Variants in MRC1 observed in about 807,000 individuals in gnomAD.
MRC1 encodes the protein macrophage mannose receptor 1.
MRC1 carries 62 observed loss-of-function variants against 102.9 expected under a neutral mutation model. The ratio of observed to expected loss-of-function variants is 0.60; its 90% CI spans 0.49 to 0.74. The LOEUF (loss-of-function observed/expected upper bound fraction) is 0.74. Ranked by LOEUF, MRC1 falls within the 30% of genes least tolerant of loss-of-function variation. The probability of loss-of-function intolerance (pLI) is 0.00; values close to 1 mark genes in which losing one functional copy is unlikely to be tolerated. For synonymous variants in MRC1, 457 were observed against 298.4 expected (o/e 1.53, Z -5.48); for missense variants, 1,237 against 862.8 (o/e 1.43, Z -5.43).
At chr10:17,841,951 A>AT (rs1306951868) in intron 5 of MRC1, among the ~76,000 whole-genome samples, 8 of 151,928 alleles carry the variant, frequency 5.3e-5, no homozygotes, top group Non-Finnish European at 8.8e-5. Flanking sequence ...TAAACTCTCC[A>AT]TTTTTGTTTG....
intron 1 of MRC1, among the ~76,000 whole-genome samples, chr10:17,813,682 T>TTTTATA (rs1838260934): frequency 8.1e-6 from 1 of 124,054 alleles, no homozygotes; most frequent in Non-Finnish European, 1.7e-5. Flanking sequence ...CACACACACA[T>TTTTATA]TATATATATA....
At chr10:17,868,993 C>T (rs1833317710) in intron 12 of MRC1, among the ~76,000 whole-genome samples, 1 of 152,170 alleles carries the variant, frequency 6.6e-6, no homozygotes, top group Non-Finnish European at 1.5e-5. Flanking sequence ...TAGCCTTCGC[C>T]TGAGGATGTT....
intron 5 of MRC1, among the ~76,000 whole-genome samples, chr10:17,842,571 G>A (rs950559118): frequency 5.3e-5 from 8 of 152,086 alleles, no homozygotes; most frequent in East Asian, 1.9e-4. Context: ...TTTTTTGTGC[G>A]TGAAAATTTA....
At chr10:17,838,575 T>TTA (rs1838704385) in intron 4 of MRC1, among the ~76,000 whole-genome samples, 2 of 149,814 alleles carry the variant, frequency 1.3e-5, no homozygotes, top group South Asian at 4.2e-4. Flanking sequence ...AAAAAGAAAG[T>TTA]AAAAAAAACA....
chr10:17,831,388 A>G (rs1270754766), intron 3 of MRC1, among the ~76,000 whole-genome samples: 1 of 151,464 alleles, frequency 6.6e-6, no homozygotes, highest in Non-Finnish European at 1.5e-5. Context: ...TTATATAAGC[A>G]TATAATGATT....
chr10:17,887,502 T>TA (rs1161196859), intron 22 of MRC1, among the ~76,000 whole-genome samples: 2 of 152,222 alleles, frequency 1.3e-5, no homozygotes, highest in Non-Finnish European at 2.9e-5. Flanking sequence ...CTGAAAGACT[T>TA]ACTGAAGAAG....
chr10:17,900,741 C>G, intron 24 of MRC1, 47 bp from the exon 25 acceptor site: 1 of 780,470 alleles, frequency 1.3e-6, no homozygotes, highest in Non-Finnish European at 2.4e-6. Context: ...TTAGTATTTT[C>G]TAAATGAAGC....
At chr10:17,836,285 T>G (rs2130617537) in intron 4 of MRC1, among the ~76,000 whole-genome samples, 1 of 152,302 alleles carries the variant, frequency 6.6e-6, no homozygotes, top group East Asian at 1.9e-4. Flanking sequence ...TCACTGTGGA[T>G]TCATAGTCTT....
chr10:17,833,406 A>G lies in MRC1; in HGVS notation c.638-269A>G, dbSNP rs1838609705. On this transcript the variant is annotated intron_variant, in intron 3 of 29. Coordinates refer to ENST00000569591, the MANE Select transcript of MRC1 (RefSeq NM_002438.4). Reference sequence around the variant, plus strand: ...CATGGTGGTGCATGCCTGGAGTCCCAGCTACTCGGTAAACTGAGGTGGGAA... The same window carrying G: ...CATGGTGGTGCATGCCTGGAGTCCCGGCTACTCGGTAAACTGAGGTGGGAA... Among the ~76,000 whole-genome samples, 3 of 151,770 alleles carry G rather than the reference A, an allele frequency of 2.0e-5. No individual in the cohort carries two copies. The South Asian group carries it at 6.2e-4, about 32-fold the overall frequency.
intron 1 of MRC1, among the ~76,000 whole-genome samples, chr10:17,809,917 G>A (rs1403782583): frequency 2.0e-5 from 3 of 152,152 alleles, no homozygotes; most frequent in African/African-American, 7.2e-5. Context: ...CACCTTCTGA[G>A]TGTCTCTGGC....
chr10:17,841,079 C>G (rs1554839863), intron 5 of MRC1, among the ~76,000 whole-genome samples: 1 of 152,170 alleles, frequency 6.6e-6, no homozygotes, highest in African/African-American at 2.4e-5. Context: ...CAGAGTATCC[C>G]TGATGTGTTG....
Position 17,910,492 on chromosome 10 carries a change from G to T in MRC1, c.*27G>T. 1 of 780,154 alleles carries T rather than the reference G, an allele frequency of 1.3e-6. No individual in the cohort carries two copies. Among genetic ancestry groups the T allele is most frequent in the South Asian group, 1.3e-5 (1 of 74,326 alleles). The allele number at this position is 780,154 out of a possible 1,614,324, so 48.3% of individuals were successfully genotyped here. On this transcript the variant is annotated 3_prime_UTR_variant, in exon 30 of 30. Transcript: ENST00000569591. ...ACCTCAATGCGATTCTGAGATATTTGAATTTCATAAAATTGTAACTGAAAT... is the reference window on the plus strand; with the variant it reads ...ACCTCAATGCGATTCTGAGATATTTTAATTTCATAAAATTGTAACTGAAAT...
rs1213481590 is a variant in MRC1 at position 17,894,317 on chromosome 10, G to A, written c.3250+5G>A. 2 of 853,970 alleles carry A rather than the reference G, an allele frequency of 2.3e-6. No homozygotes were observed. The highest frequency in any genetic ancestry group is 1.7e-5 in the African/African-American group (1 of 60,022). 52.9% of individuals were successfully genotyped at this position (853,970 alleles called of 1,614,324 possible). A position where few individuals can be genotyped will look rare whatever the true frequency, so the allele number is the denominator to read the frequency against. ...ACATATGCCAGACACGATCCGGTAA[G>A]TTCTACCAAACCTTACCTTCCTGAA... On this transcript the variant is annotated splice_donor_5th_base_variant and intron_variant, in intron 23 of 29. Transcript: ENST00000569591.
At chr10:17,873,085 C>T (rs1181196782) in intron 15 of MRC1, among the ~76,000 whole-genome samples, 3 of 152,148 alleles carry the variant, frequency 2.0e-5, no homozygotes, top group African/African-American at 7.2e-5. Context: ...TATCGTAGCT[C>T]TACTCTTGTA....
At chr10:17,841,599 A>G (rs1356538599) in intron 5 of MRC1, among the ~76,000 whole-genome samples, 2 of 152,342 alleles carry the variant, frequency 1.3e-5, no homozygotes, top group South Asian at 2.1e-4. Flanking sequence ...ATAAGTTTAC[A>G]TATTGAGCAA....
At chr10:17,873,849 T>A in intron 16 of MRC1, 24 bp downstream of exon 16, 1 of 872,256 alleles carries the variant, frequency 1.1e-6, no homozygotes, top group Non-Finnish European at 2.0e-6. Context: ...TATTTTCTGA[T>A]CTCTGTACTG....
chr10:17,855,716 G>A (rs1279862935), intron 8 of MRC1, among the ~76,000 whole-genome samples: 3 of 152,002 alleles, frequency 2.0e-5, no homozygotes, highest in South Asian at 2.1e-4. Flanking sequence ...ATCATATTGC[G>A]GCTCCAATCA....
Position 17,866,572 on chromosome 10 carries a change from A to T in MRC1, c.1794A>T (p.Pro598=). The change falls in exon 12 of 30, where the codon CCA becomes CCT. Residue 598 remains proline (P), a synonymous_variant. Coordinates refer to ENST00000569591, the MANE Select transcript of MRC1 (RefSeq NM_002438.4). ...HWNSDMPGRK[P]GCVAMRTGIA... is the part of the protein sequence containing the mutation. ...ATATATTTAATGCAGGGCGAAAGCC[A>T]GGGTGTGTTGCCATGAGAACCGGGA... is the stretch of plus-strand genomic sequence containing the variant. 2.6e-6 allele frequency: 2 copies of T among 780,874 alleles called. No individual in the cohort carries two copies. The highest frequency in any genetic ancestry group is 1.7e-5 in the African/African-American group (1 of 59,258). 48.4% of individuals were successfully genotyped at this position (780,874 alleles called of 1,614,324 possible). A position where few individuals can be genotyped will look rare whatever the true frequency, so the allele number is the denominator to read the frequency against.
Position 17,880,699 on chromosome 10 carries a change from C to A in MRC1, c.2865+29C>A, listed in dbSNP as rs1833501750. 6.4e-6 allele frequency: 5 copies of A among 780,682 alleles called. No homozygotes were observed. In the African/African-American group the frequency reaches 6.8e-5, roughly 11 times the overall value. 48.4% of individuals were successfully genotyped at this position (780,682 alleles called of 1,614,324 possible). On this transcript the variant is annotated intron_variant, in intron 20 of 29. Coordinates refer to ENST00000569591, the MANE Select transcript of MRC1 (RefSeq NM_002438.4). ...CTAGGAAAATTAGTTGCAATCTTGGCACTGATCAGTATGGAGAGTGATGCA... is the reference window on the plus strand; with the variant it reads ...CTAGGAAAATTAGTTGCAATCTTGGAACTGATCAGTATGGAGAGTGATGCA...
Sources: gnomAD v4.1 joint callset for allele counts (sites outside exome capture counted in the v4.1 genomes callset) on GRCh38, gnomAD v4.1.1 for gene constraint, MANE v1.5 for transcripts, NCBI Gene and HGNC (gene_info 2026-07-23, HGNC 2026-07-21) for gene names.